The following NCR1 variants were observed in gnomAD, a reference collection of about 807,000 sequenced individuals.
The protein encoded by NCR1 is NK cell-activating receptor.
NCR1 carries 30 observed loss-of-function variants against 32.5 expected under a neutral mutation model. The ratio of observed to expected loss-of-function variants is 0.92; its 90% confidence interval spans 0.69 to 1.25. The LOEUF is 1.25. Among genes scored for constraint, NCR1 ranks in the 50% most tolerant of loss-of-function variants. The probability of loss-of-function intolerance (pLI) is 0.00; values close to 1 mark genes in which losing one functional copy is unlikely to be tolerated. For missense variants in NCR1, 369 were observed against 380.7 expected, an observed-to-expected ratio of 0.97 and a Z score of 0.26; for synonymous variants, 169 against 143.4, an observed-to-expected ratio of 1.18 and a Z score of -1.28.
At chr19:54,917,142 T>C (rs2068152425), downstream of NCR1, among the ~76,000 whole-genome samples, 1 of 151,794 alleles carries the variant, frequency 6.6e-6, no homozygotes, top group South Asian at 2.1e-4. Flanking sequence ...GCTACTCGTT[T>C]TCTGACGGTT....
chr19:54,919,611 CGGTT>C (rs1311885512), downstream of NCR1, among the ~76,000 whole-genome samples: 3 of 151,746 alleles, frequency 2.0e-5, no homozygotes, highest in African/African-American at 7.3e-5. Context: ...CACAGGGAGA[CGGTT>C]AGGCCTCCGG....
chr19:54,913,515 CT>C (rs2068069859), downstream of NCR1, among the ~76,000 whole-genome samples: 1 of 152,162 alleles, frequency 6.6e-6, no homozygotes, highest in East Asian at 1.9e-4. Context: ...CTACTTTGGT[CT>C]TTTTTTCTTT....
chr19:54,933,802 G>C, the NCR1 span: 1 of 1,405,766 alleles, frequency 7.1e-7, no homozygotes, highest in Admixed American at 1.7e-5. Context: ...AACCTGCTCA[G>C]TGATGTCCAC....
the NCR1 span, among the ~76,000 whole-genome samples, chr19:54,935,423 C>T: frequency 6.6e-6 from 1 of 152,034 alleles, no homozygotes; most frequent in South Asian, 2.1e-4. Flanking sequence ...TGGCCAGGCG[C>T]AGTGGTTCAT....
chr19:54,900,775 G>T, the NCR1 span, among the ~76,000 whole-genome samples: 2 of 152,112 alleles, frequency 1.3e-5, no homozygotes, highest in Non-Finnish European at 2.9e-5. Context: ...GAAGATGAGT[G>T]GTTGCCTAGG....
intron 3 of NCR1, among the ~76,000 whole-genome samples, chr19:54,908,321 A>G (rs2067744030): frequency 6.6e-6 from 1 of 152,190 alleles, no homozygotes; most frequent in Non-Finnish European, 1.5e-5. Context: ...TCATAGATTA[A>G]CAGCATCCCA....
chr19:54,914,989 C>A (rs568412004), downstream of NCR1, among the ~76,000 whole-genome samples: 45 of 152,154 alleles, frequency 3.0e-4, no homozygotes, highest in African/African-American at 9.6e-4. Context: ...GTGATCCCCC[C>A]GCCTTGGCCT....
chr19:54,913,554 T>C (rs1569537764), downstream of NCR1, among the ~76,000 whole-genome samples: 1 of 152,168 alleles, frequency 6.6e-6, no homozygotes, highest in East Asian at 1.9e-4. Context: ...CCATTCAAAA[T>C]AGTTAATAAC....
In NCR1 at chr19:54,906,709, C is replaced by T. The variant is rs377608629; in HGVS notation, c.257C>T (p.Pro86Leu). The T allele has an allele frequency of 2.8e-5, 45 of 1,614,088 alleles. No homozygotes were observed. In the African/African-American group the frequency reaches 5.2e-4, roughly 19 times the overall value. The change falls in exon 3 of 7, where the codon CCG becomes CTG. Residue 86 changes from proline (P) to leucine (L), a missense_variant. Coordinates refer to ENST00000291890, the MANE Select transcript of NCR1 (RefSeq NM_004829.7). ...ATTAACAAAGTCCAATTCTACATCC[C>T]GGACATGAACTCCCGCATGGCAGGG... Reference protein sequence around the residue: ...ERINKVQFYIPDMNSRMAGQY... With the variant: ...ERINKVQFYILDMNSRMAGQY...
chr19:54,904,841 T>C (rs1043744866), upstream of NCR1, among the ~76,000 whole-genome samples: 1 of 152,062 alleles, frequency 6.6e-6, no homozygotes, highest in African/African-American at 2.4e-5. Context: ...CAGTATTTGG[T>C]TTTCTGTTTC....
chr19:54,935,564 T>C, the NCR1 span, among the ~76,000 whole-genome samples: 1 of 146,712 alleles, frequency 6.8e-6, no homozygotes, highest in Non-Finnish European at 1.5e-5. Flanking sequence ...GGCGTGGTGG[T>C]GCACGCCTGT....
upstream of NCR1, among the ~76,000 whole-genome samples, chr19:54,904,675 G>T (rs1369610582): frequency 1.3e-5 from 2 of 151,930 alleles, no homozygotes; most frequent in South Asian, 4.1e-4. Context: ...TGGGACTACA[G>T]GCATGTGCCA....
chr19:54,916,932 C>T (rs2068148649), downstream of NCR1, among the ~76,000 whole-genome samples: 1 of 151,876 alleles, frequency 6.6e-6, no homozygotes, highest in Non-Finnish European at 1.5e-5. Context: ...CACCTGTGCT[C>T]CCCACCCGCT....
downstream of NCR1, among the ~76,000 whole-genome samples, chr19:54,914,127 A>G (rs989210953): frequency 2.0e-5 from 3 of 147,462 alleles, no homozygotes; most frequent in African/African-American, 5.0e-5. Context: ...CCATACCCCA[A>G]TTCCTTCTAA....
Position 54,910,035 on chromosome 19 carries a change from A to G in NCR1, c.652A>G (p.Ser218Gly). ...LLVTGDIENT[S>G]LAPEDPTFPA... The stretch of plus-strand genomic sequence containing the variant: ...TTTTCCAGGCGACATTGAGAACACC[A>G]GCCTTGCACCTGAAGACCCCACCTT... Residue 218 changes from serine to glycine, a missense_variant, in exon 5 of 7, where the codon AGC becomes GGC. By Grantham distance (56) the Ser-to-Gly change is moderately conservative. Transcript: ENST00000291890. The G allele has an allele frequency of 6.2e-7, 1 of 1,612,984 alleles. No individual in the cohort carries two copies. The highest frequency in any genetic ancestry group is 2.2e-5 in the East Asian group (1 of 44,820).
rs1448982227 is a variant in NCR1, at chr19:54,906,749, C to G, written c.297C>G (p.Ile99Met). The change falls in exon 3 of 7, where the codon ATC becomes ATG. Residue 99 changes from isoleucine (I) to methionine (M), a missense_variant. Coordinates refer to ENST00000291890, the MANE Select transcript of NCR1 (RefSeq NM_004829.7). Reference protein sequence around the residue: ...NSRMAGQYSCIYRVGELWSEP... With the variant: ...NSRMAGQYSCMYRVGELWSEP... Reference sequence around the variant, plus strand: ...GCATGGCAGGGCAATACAGCTGCATCTATCGGGTTGGGGAGCTCTGGTCAG... The same window carrying G: ...GCATGGCAGGGCAATACAGCTGCATGTATCGGGTTGGGGAGCTCTGGTCAG... 6.2e-7 allele frequency: 1 copy of G among 1,614,126 alleles called. No individual in the cohort carries two copies. Among genetic ancestry groups the G allele is most frequent in the Admixed American group, 1.7e-5 (1 of 60,008 alleles).
the NCR1 span, among the ~76,000 whole-genome samples, chr19:54,931,018 G>A: frequency 6.6e-6 from 1 of 152,008 alleles, no homozygotes; most frequent in Non-Finnish European, 1.5e-5. Flanking sequence ...GCGAGACTCC[G>A]TCTCAAGAAA....
rs587764871 is a variant in NCR1 at position 54,907,797 on chromosome 19, A to G, written c.355+990A>G. Among the ~76,000 whole-genome samples, 151 of 152,268 alleles carry G rather than the reference A, an allele frequency of 9.9e-4. 1 individual carries two copies. The highest frequency in any genetic ancestry group is 3.4e-3 in the Middle Eastern group (1 of 294). ...CTTCTTTTGTGAAATGTCTATTTAA[A>G]TCTTTTGCCTATTTTTAAATTGGGT... On this transcript the variant is annotated intron_variant, in intron 3 of 6. Transcript: ENST00000291890.
chr19:54,902,130 CA>C (rs2146003839), upstream of NCR1, among the ~76,000 whole-genome samples: 1 of 152,228 alleles, frequency 6.6e-6, no homozygotes, highest in East Asian at 1.9e-4. Context: ...ACATTAATAA[CA>C]GAATGTCCTT....
Sources: allele counts gnomAD v4.1 joint callset (sites outside exome capture counted in the v4.1 genomes callset), GRCh38; gene constraint gnomAD v4.1.1; transcripts MANE v1.5; gene names NCBI Gene and HGNC (gene_info 2026-07-23, HGNC 2026-07-21).